DNAH7: variants seen among roughly 807,000 people sequenced by gnomAD.
DNAH7 encodes the protein dynein axonemal heavy chain 7, also known as axonemal beta dynein heavy chain 7.
In DNAH7, 397 loss-of-function variants were observed where a neutral mutation model predicts 444.6. That is an observed-to-expected ratio of 0.89 (90% CI 0.82 to 0.97). DNAH7 has a LOEUF of 0.97. Among genes scored for constraint, DNAH7 ranks in the 50% least tolerant of loss-of-function variants. The pLI, the probability that DNAH7 is intolerant of heterozygous loss-of-function variation, is 0.00. For missense variants in DNAH7, 4,902 were observed against 4,800.8 expected (o/e 1.02, Z -0.62); for synonymous variants, 1,636 against 1,624.4 (o/e 1.01, Z -0.17).
At chr2:196,045,721 G>A (rs1697078626) in intron 5 of DNAH7, among the ~76,000 whole-genome samples, 1 of 151,972 alleles carries the variant, frequency 6.6e-6, no homozygotes, top group Admixed American at 6.6e-5. Flanking sequence ...AATTAAATAT[G>A]TAGTTTTAAA....
intron 5 of DNAH7, among the ~76,000 whole-genome samples, chr2:196,031,124 G>A (rs1696031550): frequency 6.6e-6 from 1 of 152,262 alleles, no homozygotes; most frequent in Non-Finnish European, 1.5e-5. Context: ...AAATCTAGGT[G>A]AAGGTTCCCA....
intron 18 of DNAH7, among the ~76,000 whole-genome samples, chr2:195,959,709 C>CT (rs554418981): frequency 3.7e-4 from 57 of 152,282 alleles, no homozygotes; most frequent in African/African-American, 1.3e-3. Context: ...CATTGACAGA[C>CT]AGCTAGGCTT....
At chr2:196,060,942 T>C (rs1226394283) in intron 1 of DNAH7, among the ~76,000 whole-genome samples, 1 of 152,206 alleles carries the variant, frequency 6.6e-6, no homozygotes, top group Non-Finnish European at 1.5e-5. Flanking sequence ...TGCCAATTCA[T>C]TCTCATTTTT....
intron 36 of DNAH7, among the ~76,000 whole-genome samples, chr2:195,880,973 T>C (rs1701340390): frequency 6.6e-6 from 1 of 151,696 alleles, no homozygotes; most frequent in African/African-American, 2.4e-5. Flanking sequence ...GATAAATCTC[T>C]CAGCTTTCTG....
chr2:195,864,868 C>T lies in DNAH7; in HGVS notation c.6787G>A (p.Asp2263Asn), dbSNP rs1274480336. ...DFDNDGMVEA[D>N]DLRSLMFCDF... ...CAAAACATTAAGCTGCGTAAGTCAT[C>T]TGCTTCCACCATGCCATCATTATCA... Residue 2263 changes from aspartate to asparagine, a missense_variant, in exon 41 of 65, where the codon GAT becomes AAT. Coordinates refer to ENST00000312428, the MANE Select transcript of DNAH7 (RefSeq NM_018897.3). 2 of 1,613,970 alleles carry T rather than the reference C, an allele frequency of 1.2e-6. No homozygotes were observed. The highest frequency in any genetic ancestry group is 1.3e-5 in the African/African-American group (1 of 74,932).
rs772484457 is a variant in DNAH7, at chr2:196,026,801, T to C, written c.626A>G (p.Glu209Gly). 66 of 1,612,334 alleles carry C rather than the reference T, an allele frequency of 4.1e-5. No individual in the cohort carries two copies. The South Asian group carries it at 6.9e-4, about 17-fold the overall frequency. ...FTDSIVTLSDEMREDYLLSVR... is the reference protein window; with the variant it reads ...FTDSIVTLSDGMREDYLLSVR... ...ACTAAGAAGATAATCCTCTCTCATT[T>C]CATCAGATAATGTAACTATGCTGTC... is the stretch of plus-strand genomic sequence containing the variant. The change falls in exon 7 of 65, where the codon GAA becomes GGA. Residue 209 changes from glutamate to glycine, a missense_variant. Coordinates refer to ENST00000312428, the MANE Select transcript of DNAH7 (RefSeq NM_018897.3).
chr2:195,884,558 C>T, intron 35 of DNAH7, 27 bp downstream of exon 35: 1 of 1,577,614 alleles, frequency 6.3e-7, no homozygotes, highest in Middle Eastern at 1.7e-4. Context: ...AGGCTGGCAG[C>T]TGCAAATCTT....
At chr2:195,826,334 C>T (rs995993422) in intron 48 of DNAH7, among the ~76,000 whole-genome samples, 2 of 152,140 alleles carry the variant, frequency 1.3e-5, no homozygotes, top group African/African-American at 4.8e-5. Flanking sequence ...AAATGCTGGA[C>T]ACCATGCTGG....
intron 24 of DNAH7, among the ~76,000 whole-genome samples, chr2:195,911,835 T>A (rs986560461): frequency 6.6e-6 from 1 of 152,036 alleles, no homozygotes; most frequent in Non-Finnish European, 1.5e-5. Context: ...CCTGGAACAA[T>A]TACTAGAAGA....
At chr2:195,836,403 TG>T (rs1559132319) in intron 47 of DNAH7, among the ~76,000 whole-genome samples, 2 of 151,942 alleles carry the variant, frequency 1.3e-5, no homozygotes, top group Non-Finnish European at 2.9e-5. Flanking sequence ...CCCAGCTACT[TG>T]GGAGACTGAG....
intron 24 of DNAH7, among the ~76,000 whole-genome samples, chr2:195,916,329 T>G (rs1687670388): frequency 6.6e-6 from 1 of 152,286 alleles, no homozygotes; most frequent in South Asian, 2.1e-4. Context: ...AGTCACTATT[T>G]CTTTTCTTTT....
chr2:195,850,305 G>C (rs1008004246), intron 46 of DNAH7, among the ~76,000 whole-genome samples: 3 of 151,424 alleles, frequency 2.0e-5, no homozygotes, highest in African/African-American at 7.3e-5. Context: ...AAAGGGGAGA[G>C]AGAGAGAGAT....
intron 30 of DNAH7, chr2:195,893,238 C>A (rs941458480): frequency 4.1e-5 from 6 of 147,616 alleles, no homozygotes; most frequent in African/African-American, 1.3e-4. Flanking sequence ...GAATGAGCCA[C>A]CACTCCCGGC....
At chr2:195,858,428 G>A in intron 43 of DNAH7, 46 bp downstream of exon 43, 2 of 1,434,970 alleles carry the variant, frequency 1.4e-6, no homozygotes, top group Non-Finnish European at 1.9e-6. Context: ...TTCTTTCTTG[G>A]GCTATGATGA....
At chr2:195,814,819 C>A (rs779183796) in intron 51 of DNAH7, among the ~76,000 whole-genome samples, 1 of 151,856 alleles carries the variant, frequency 6.6e-6, no homozygotes, top group Non-Finnish European at 1.5e-5. Flanking sequence ...CGACTCACTG[C>A]GGCCTCAACC....
chr2:196,060,462 A>G (rs1186484070), intron 1 of DNAH7, among the ~76,000 whole-genome samples: 1 of 152,110 alleles, frequency 6.6e-6, no homozygotes, highest in Non-Finnish European at 1.5e-5. Flanking sequence ...TATAGAGGCC[A>G]AGGTGGTATT....
chr2:195,813,458 AT>A (rs1347288519), intron 51 of DNAH7, among the ~76,000 whole-genome samples: 2 of 152,226 alleles, frequency 1.3e-5, no homozygotes, highest in Non-Finnish European at 2.9e-5. Context: ...ATCAAGGGAG[AT>A]AGCCCACTTG....
At chr2:195,955,292 C>G (rs1365529031) in intron 19 of DNAH7, among the ~76,000 whole-genome samples, 13 of 152,240 alleles carry the variant, frequency 8.5e-5, no homozygotes, top group Admixed American at 7.8e-4. Context: ...ATCCTTTCCC[C>G]ATTTCTTGTT....
Position 195,816,934 on chromosome 2 carries a change from A to G in DNAH7, c.9455T>C (p.Leu3152Ser), listed in dbSNP as rs779044724. 10 of 1,603,650 alleles carry G rather than the reference A, an allele frequency of 6.2e-6. No individual in the cohort carries two copies. In the South Asian group the frequency reaches 1.1e-4, roughly 18 times the overall value. ...RQLKEIEDKI[L>S]EVLSSSEGNI... ...GCCTTCCGAAGATGAAAGAACTTCT[A>G]AAATCTTGTCTTCTATTTCTTTTAA... Residue 3152 changes from leucine (L) to serine (S), a missense_variant, in exon 51 of 65, where the codon TTA becomes TCA. Leu to Ser is a moderately radical substitution (Grantham distance 145, BLOSUM62 -2). Transcript: ENST00000312428.
Sources: allele counts gnomAD v4.1 joint callset (sites outside exome capture counted in the v4.1 genomes callset), GRCh38; gene constraint gnomAD v4.1.1; transcripts MANE v1.5; gene names NCBI Gene and HGNC (gene_info 2026-07-23, HGNC 2026-07-21).